FAAP24: variants seen among roughly 807,000 people sequenced by gnomAD.
FAAP24 encodes FA core complex associated protein 24, also known as Fanconi anemia core complex-associated protein 24.
FAAP24 carries 16 observed loss-of-function variants against 14.3 expected under a neutral mutation model. That is an observed-to-expected ratio of 1.12 (90% CI 0.76 to 1.69). FAAP24 has a LOEUF of 1.69. FAAP24 is among the 40% of genes most tolerant of loss of function. FAAP24 has a pLI of 0.00. For missense variants in FAAP24, 234 were observed against 262.7 expected, an observed-to-expected ratio of 0.89 and a Z score of 0.75; for synonymous variants, 111 against 106.2, an observed-to-expected ratio of 1.04 and a Z score of -0.28.
intron 1 of FAAP24, among the ~76,000 whole-genome samples, chr19:32,972,710 C>CTTT (rs377681596): frequency 0.086 from 10,823 of 126,122 alleles, 635 homozygotes; most frequent in East Asian, 0.2. Flanking sequence ...TTTTCTTTTT[C>CTTT]TTTTCTTTTT....
In FAAP24 at chr19:32,976,546, A is replaced by G. The variant is rs1971520231; in HGVS notation, c.512A>G (p.Lys171Arg). The change falls in exon 5 of 5, where the codon AAA becomes AGA. Residue 171 changes from lysine to arginine, a missense_variant. Lys to Arg is a conservative substitution (Grantham distance 26). Coordinates refer to ENST00000588258, the MANE Select transcript of FAAP24 (RefSeq NM_152266.5). The stretch of plus-strand genomic sequence containing the variant: ...GTGCAGCAGATCCCAGGAGTTGGAA[A>G]AGTTAAAGCTCCCCTTCTCCTCCAG... ...RTVQQIPGVG[K>R]VKAPLLLQKF... The G allele has an allele frequency of 2.5e-6, 4 of 1,614,128 alleles. No individual in the cohort carries two copies. In the East Asian group the frequency reaches 8.9e-5, roughly 36 times the overall value.
chr19:32,973,365 C>T lies in FAAP24; in HGVS notation c.107-61C>T, dbSNP rs1971468252. 6.9e-6 allele frequency: 11 copies of T among 1,599,714 alleles called. No individual in the cohort carries two copies. The South Asian group carries it at 1.0e-4, about 15-fold the overall frequency. On this transcript the variant is annotated intron_variant, in intron 2 of 4. Transcript: ENST00000588258. ...GACATATTAAAAAAAAAAAATCTGC[C>T]TATTATTGCCATCTTTTCATCCAAA...
Position 32,976,520 on chromosome 19 carries a change from C to T in FAAP24, c.486C>T (p.Thr162=), listed in dbSNP as rs368554252. The change falls in exon 5 of 5, where the codon ACC becomes ACT. Residue 162 remains threonine, a synonymous_variant. Transcript: ENST00000588258. ...LLLSEPSLLR[T]VQQIPGVGKV... ...TGTCTGAGCCTTCGCTCCTTCGAACCGTGCAGCAGATCCCAGGAGTTGGAA... is the reference window on the plus strand; with the variant it reads ...TGTCTGAGCCTTCGCTCCTTCGAACTGTGCAGCAGATCCCAGGAGTTGGAA... 1.7e-5 allele frequency: 27 copies of T among 1,614,086 alleles called. No individual in the cohort carries two copies. Among genetic ancestry groups the T allele is most frequent in the African/African-American group, 1.3e-4 (10 of 74,924 alleles).
chr19:32,976,374 G>GA, intron 4 of FAAP24, 57 bp from the exon 5 acceptor site: 1 of 1,539,058 alleles, frequency 6.5e-7, no homozygotes, highest in Non-Finnish European at 8.7e-7. Context: ...CATATTTTAA[G>GA]AAAACGGCCA....
intron 4 of FAAP24, 81 bp from the exon 5 acceptor site, chr19:32,976,350 C>G: frequency 6.6e-7 from 1 of 1,511,292 alleles, no homozygotes; most frequent in Non-Finnish European, 8.9e-7. Flanking sequence ...TGGAAAAACG[C>G]AATTTCTACA....
In FAAP24 at chr19:32,974,226, C is replaced by T; in HGVS notation, c.396+14C>T. The T allele has an allele frequency of 6.2e-7, 1 of 1,606,452 alleles. No individual in the cohort carries two copies. Among genetic ancestry groups the T allele is most frequent in the Non-Finnish European group, 8.5e-7 (1 of 1,177,184 alleles). On this transcript the variant is annotated intron_variant, in intron 4 of 4. Coordinates refer to ENST00000588258, the MANE Select transcript of FAAP24 (RefSeq NM_152266.5). ...GTCATCCAGTTGGTGAGTACCGATT[C>T]CTACACCTTCGTGGTAGTCCTGTCC...
intron 4 of FAAP24, among the ~76,000 whole-genome samples, chr19:32,975,984 C>T (rs1003130275): frequency 3.3e-5 from 5 of 152,204 alleles, no homozygotes; most frequent in Non-Finnish European, 5.9e-5. Flanking sequence ...ATATCCCTTG[C>T]GTCACCGTTC....
chr19:32,975,238 T>C (rs1971500896), intron 4 of FAAP24, among the ~76,000 whole-genome samples: 1 of 151,194 alleles, frequency 6.6e-6, no homozygotes, highest in Admixed American at 6.6e-5. Context: ...GGTGCAATCT[T>C]GGCTTACTGC....
chr19:32,972,253 A>C lies in FAAP24; in HGVS notation c.-107A>C. 2.2e-6 allele frequency: 1 copy of C among 455,446 alleles called. No individual in the cohort carries two copies. Among genetic ancestry groups the C allele is most frequent in the Non-Finnish European group, 3.9e-6 (1 of 255,516 alleles). The allele number at this position is 455,446 out of a possible 1,614,324, so 28.2% of individuals were successfully genotyped here. A position where few individuals can be genotyped will look rare whatever the true frequency, so the allele number is the denominator to read the frequency against. On this transcript the variant is annotated 5_prime_UTR_variant, in exon 1 of 5. Transcript: ENST00000588258. ...CGAGCACCGAGGGCGTGAACCCGGA[A>C]GGTGGCGCGGCCACCAGTAACATGA...
chr19:32,972,710 C>CTTTTTTT (rs377681596), intron 1 of FAAP24, among the ~76,000 whole-genome samples: 30 of 128,582 alleles, frequency 2.3e-4, no homozygotes, highest in African/African-American at 4.3e-4. Context: ...TTTTCTTTTT[C>CTTTTTTT]TTTTCTTTTT....
chr19:32,976,348 C>T (rs1400858244), intron 4 of FAAP24, 83 bp from the exon 5 acceptor site: 20 of 1,506,496 alleles, frequency 1.3e-5, no homozygotes, highest in Non-Finnish European at 1.5e-5. Context: ...AATGGAAAAA[C>T]GCAATTTCTA....
chr19:32,976,276 T>A (rs573536291), intron 4 of FAAP24, among the ~76,000 whole-genome samples, 155 bp from the exon 5 acceptor site: 1 of 152,380 alleles, frequency 6.6e-6, no homozygotes, highest in African/African-American at 2.4e-5. Flanking sequence ...ATTTTACTGA[T>A]GTCTGAGAAA....
rs1971537290 is a variant in FAAP24, at chr19:32,977,553, TAC to T, written c.*873_*874del. On this transcript the variant is annotated 3_prime_UTR_variant, in exon 5 of 5. Transcript: ENST00000588258. Reference sequence around the variant, plus strand: ...CCCCGGCCTTTTTTTTTGGCAGATGTACAGTTTGTTTATAATCACTGCATATG... The same window carrying T: ...CCCCGGCCTTTTTTTTTGGCAGATGTAGTTTGTTTATAATCACTGCATATG... 1.3e-5 allele frequency: 5 copies of T among 397,096 alleles called. No homozygotes were observed. The Admixed American group carries it at 2.2e-4, about 18-fold the overall frequency. 24.6% of individuals were successfully genotyped at this position (397,096 alleles called of 1,614,324 possible).
At position 32,978,047 on chromosome 19, in the gene FAAP24, G is replaced by A. The variant is rs561940406; in HGVS notation, c.*1365G>A. ...TGATGGCAGCAGCTGCATCTAGTGA[G>A]GGAAGCAGGGGCTGGGGATCAAAAG... is the stretch of plus-strand genomic sequence containing the variant. On this transcript the variant is annotated 3_prime_UTR_variant, in exon 5 of 5. Coordinates refer to ENST00000588258, the MANE Select transcript of FAAP24 (RefSeq NM_152266.5). 6 of 152,340 alleles carry A rather than the reference G, an allele frequency of 3.9e-5. No homozygotes were observed. Among genetic ancestry groups the A allele is most frequent in the Non-Finnish European group, 8.8e-5 (6 of 68,176 alleles). 9.4% of individuals were successfully genotyped at this position (152,340 alleles called of 1,614,324 possible).
In FAAP24 at chr19:32,976,481, ACG is replaced by A. The variant is rs758625836; in HGVS notation, c.448_449del (p.Arg150GlyfsTer6). 2.5e-6 allele frequency: 4 copies of A among 1,614,216 alleles called. No homozygotes were observed. The highest frequency in any genetic ancestry group is 3.4e-6 in the Non-Finnish European group (4 of 1,180,034). The part of the protein sequence containing the change: ...PSKNPLLGKK[R>X]ALLLSEPSLL... The stretch of plus-strand genomic sequence containing the variant: ...GTAAGAACCCTCTTCTCGGGAAGAA[ACG>A]GGCCCTGCTGCTGTCTGAGCCTTCG... On this transcript the variant is annotated frameshift_variant, in exon 5 of 5. Coordinates refer to ENST00000588258, the MANE Select transcript of FAAP24 (RefSeq NM_152266.5). LOFTEE classifies it high-confidence loss of function.
intron 4 of FAAP24, 78 bp downstream of exon 4, chr19:32,974,290 TC>T: frequency 1.4e-6 from 2 of 1,467,872 alleles, no homozygotes; most frequent in Non-Finnish European, 1.8e-6. Flanking sequence ...CAACCATCAA[TC>T]CAATCTATGT....
At chr19:32,974,628 A>C (rs1005031008) in intron 4 of FAAP24, among the ~76,000 whole-genome samples, 3 of 152,004 alleles carry the variant, frequency 2.0e-5, no homozygotes, top group Non-Finnish European at 4.4e-5. Flanking sequence ...TACTAAAAAT[A>C]CAAAAATTAG....
intron 3 of FAAP24, among the ~76,000 whole-genome samples, 166 bp downstream of exon 3, chr19:32,973,728 G>A (rs1281434767): frequency 1.3e-5 from 2 of 152,150 alleles, no homozygotes; most frequent in Non-Finnish European, 2.9e-5. Flanking sequence ...GGTGGCGCAC[G>A]CCTGTAATCC....
Position 32,976,819 on chromosome 19 carries a change from C to G in FAAP24, c.*137C>G. On this transcript the variant is annotated 3_prime_UTR_variant, in exon 5 of 5. Transcript: ENST00000588258. ...TCTCAGCACTTTGGGAGGCCGAAGA[C>G]AGCGGATCATCTGAGGTCAGGAGTT... 8.9e-7 allele frequency: 1 copy of G among 1,123,988 alleles called. No individual in the cohort carries two copies. Among genetic ancestry groups the G allele is most frequent in the South Asian group, 1.6e-5 (1 of 64,028 alleles). The allele number at this position is 1,123,988 out of a possible 1,614,324, so 69.6% of individuals were successfully genotyped here. A position where few individuals can be genotyped will look rare whatever the true frequency, so the allele number is the denominator to read the frequency against.
Sources: gnomAD v4.1 joint callset for allele counts (sites outside exome capture counted in the v4.1 genomes callset) on GRCh38, gnomAD v4.1.1 for gene constraint, MANE v1.5 for transcripts, NCBI Gene and HGNC (gene_info 2026-07-23, HGNC 2026-07-21) for gene names.